The following FAHD2A variants were observed in gnomAD, a reference collection of about 807,000 sequenced individuals.
FAHD2A encodes the protein oxaloacetate tautomerase FAHD2A, mitochondrial.
A neutral mutation model predicts 33.4 loss-of-function variants in FAHD2A; 27 were observed. That is an observed-to-expected ratio of 0.81 (90% CI 0.60 to 1.11). FAHD2A has a LOEUF of 1.11. FAHD2A is among the 50% of genes most tolerant of loss of function. The pLI, the probability that FAHD2A is intolerant of heterozygous loss-of-function variation, is 0.00. For synonymous variants in FAHD2A, 130 were observed against 153.3 expected, an observed-to-expected ratio of 0.85 and a Z score of 1.12; for missense variants, 296 against 395.0, an observed-to-expected ratio of 0.75 and a Z score of 2.12.
downstream of FAHD2A, among the ~76,000 whole-genome samples, chr2:95,419,502 G>A (rs1233491870): frequency 6.6e-6 from 1 of 152,088 alleles, no homozygotes; most frequent in African/African-American, 2.4e-5. Context: ...GTCATCCTGG[G>A]TGAGGTGTCT....
At position 95,414,115 on chromosome 2, in the gene FAHD2A, G is replaced by C; in HGVS notation, c.*1158G>C. On this transcript the variant is annotated 3_prime_UTR_variant, in exon 8 of 8. Transcript: ENST00000233379. ...GTTTAAAGAAGCCCAGGGAGGGATAGATCTCCGACTGGACAGAAGACTACT... is the reference window on the plus strand; with the variant it reads ...GTTTAAAGAAGCCCAGGGAGGGATACATCTCCGACTGGACAGAAGACTACT... The C allele has an allele frequency of 5.4e-6, 8 of 1,471,174 alleles. No individual in the cohort carries two copies. Among genetic ancestry groups the C allele is most frequent in the Non-Finnish European group, 7.5e-6 (8 of 1,064,582 alleles). The allele number at this position is 1,471,174 out of a possible 1,614,324, so 91.1% of individuals were successfully genotyped here. A position where few individuals can be genotyped will look rare whatever the true frequency, so the allele number is the denominator to read the frequency against.
downstream of FAHD2A, among the ~76,000 whole-genome samples, chr2:95,420,298 T>A (rs2551299): frequency 3.3e-3 from 506 of 152,202 alleles, 2 homozygotes; most frequent in Non-Finnish European, 5.9e-3. Flanking sequence ...ATACAGCAGG[T>A]CACTCATGAG....
downstream of FAHD2A, among the ~76,000 whole-genome samples, chr2:95,420,765 G>A (rs936951025): frequency 2.6e-5 from 4 of 151,990 alleles, no homozygotes; most frequent in Non-Finnish European, 5.9e-5. Context: ...TAAACTATGG[G>A]AAAGGAAGGA....
At chr2:95,404,890 G>C (rs983276711) in intron 1 of FAHD2A, among the ~76,000 whole-genome samples, 1 of 152,226 alleles carries the variant, frequency 6.6e-6, no homozygotes, top group Non-Finnish European at 1.5e-5. Flanking sequence ...TATCTGGAGA[G>C]GCAGGTGGGG....
At chr2:95,418,880 T>C (rs1420223392), downstream of FAHD2A, among the ~76,000 whole-genome samples, 6 of 152,094 alleles carry the variant, frequency 3.9e-5, no homozygotes, top group Admixed American at 3.9e-4. Context: ...ATAAAGTCTT[T>C]GCAGGTGTAA....
chr2:95,405,463 G>A, intron 1 of FAHD2A, 90 bp from the exon 2 acceptor site: 1 of 1,516,036 alleles, frequency 6.6e-7, no homozygotes. Context: ...ATGGGGCAAA[G>A]GGCCTCGGGC....
chr2:95,417,979 C>A (rs1440812002), downstream of FAHD2A, among the ~76,000 whole-genome samples: 2 of 152,194 alleles, frequency 1.3e-5, no homozygotes, highest in African/African-American at 2.4e-5. Context: ...CATATGTATG[C>A]TTGTTCTGGT....
chr2:95,407,287 A>G (rs1681751933), intron 3 of FAHD2A, 130 bp downstream of exon 3: 2 of 1,359,610 alleles, frequency 1.5e-6, no homozygotes, highest in East Asian at 2.4e-5. Context: ...AGGATTGTAC[A>G]CACAGTAGTA....
At chr2:95,408,094 CATTGGAAATATTA>C (rs1355218936) in intron 3 of FAHD2A, among the ~76,000 whole-genome samples, 2 of 128,452 alleles carry the variant, frequency 1.6e-5, no homozygotes, top group Admixed American at 1.9e-4. Flanking sequence ...TTTTAAAACA[CATTGGAAATATTA>C]AGACAATTTA....
chr2:95,408,764 A>AT, intron 3 of FAHD2A, among the ~76,000 whole-genome samples: 1 of 152,242 alleles, frequency 6.6e-6, no homozygotes, highest in East Asian at 1.9e-4. Context: ...GCTAAACCAT[A>AT]TCAAGGGCCA....
rs1271410724 is a variant in FAHD2A, at chr2:95,413,922, G to A, written c.*965G>A. 7 of 1,131,610 alleles carry A rather than the reference G, an allele frequency of 6.2e-6. No homozygotes were observed. The Admixed American group carries it at 8.5e-5, about 14-fold the overall frequency. The allele number at this position is 1,131,610 out of a possible 1,614,324, so 70.1% of individuals were successfully genotyped here. A position where few individuals can be genotyped will look rare whatever the true frequency, so the allele number is the denominator to read the frequency against. The stretch of plus-strand genomic sequence containing the variant: ...CCTGAGCCACTCTATTGGGGTGGGA[G>A]CAGGGGGACAGAAGATGGTGACACT... On this transcript the variant is annotated 3_prime_UTR_variant, in exon 8 of 8. Transcript: ENST00000233379.
Position 95,405,710 on chromosome 2 carries a change from G to A in FAHD2A, c.152G>A (p.Gly51Glu), listed in dbSNP as rs199981531. Residue 51 changes from glycine (G) to glutamate (E), a missense_variant, in exon 2 of 8, where the codon GGG becomes GAG. By Grantham distance (98) the Gly-to-Glu change is moderately conservative (BLOSUM62 -2). Coordinates refer to ENST00000233379, the MANE Select transcript of FAHD2A (RefSeq NM_016044.3). Reference protein sequence around the residue: ...HLGLETGNGGGVINLNAFDPT... With the variant: ...HLGLETGNGGEVINLNAFDPT... ...GGCCTGGAGACAGGGAATGGTGGAG[G>A]GGTTATCAACCTCAATGCCTTTGAC... is the stretch of plus-strand genomic sequence containing the variant. The A allele has an allele frequency of 9.9e-6, 16 of 1,613,950 alleles. No homozygotes were observed. The highest frequency in any genetic ancestry group is 1.3e-5 in the Non-Finnish European group (15 of 1,180,010).
chr2:95,402,738 C>T lies in FAHD2A; in HGVS notation c.-141C>T, dbSNP rs1449837080. The T allele has an allele frequency of 6.6e-6, 1 of 152,368 alleles. No individual in the cohort carries two copies. The highest frequency in any genetic ancestry group is 2.4e-5 in the African/African-American group (1 of 41,472). 9.4% of individuals were successfully genotyped at this position (152,368 alleles called of 1,614,324 possible). A position where few individuals can be genotyped will look rare whatever the true frequency, so the allele number is the denominator to read the frequency against. ...TCTCTCGGGTGATCCGGCCGAGTGG[C>T]CCTGGGTTAGCAGCTGCTGCATTTC... On this transcript the variant is annotated 5_prime_UTR_variant, in exon 1 of 8. Transcript: ENST00000233379.
At chr2:95,409,956 T>G (rs1558798626) in intron 3 of FAHD2A, among the ~76,000 whole-genome samples, 1 of 152,338 alleles carries the variant, frequency 6.6e-6, no homozygotes, top group East Asian at 1.9e-4. Flanking sequence ...CATCTGGATG[T>G]CGGGTGTACT....
Position 95,405,567 on chromosome 2 carries a change from G to T in FAHD2A, c.9G>T (p.Val3=). 1 of 1,611,328 alleles carries T rather than the reference G, an allele frequency of 6.2e-7. No individual in the cohort carries two copies. The highest frequency in any genetic ancestry group is 2.2e-5 in the East Asian group (1 of 44,770). ML[V]SGRRRLLTVL... ...TTTCTCTGCAGGCTCTGATGCTGGTGTCTGGTAGAAGAAGGTTACTCACAG... is the reference window on the plus strand; with the variant it reads ...TTTCTCTGCAGGCTCTGATGCTGGTTTCTGGTAGAAGAAGGTTACTCACAG... Residue 3 remains valine, a synonymous_variant, in exon 2 of 8, where the codon GTG becomes GTT. Coordinates refer to ENST00000233379, the MANE Select transcript of FAHD2A (RefSeq NM_016044.3).
At chr2:95,409,085 C>T (rs1489211359) in intron 3 of FAHD2A, among the ~76,000 whole-genome samples, 1 of 152,194 alleles carries the variant, frequency 6.6e-6, no homozygotes, top group African/African-American at 2.4e-5. Context: ...ATACATTTTC[C>T]ATCGTATCCC....
rs1376964942 is a variant in FAHD2A, at chr2:95,410,519, C to A, written c.463-8C>A. ...ACTGCAGCTCACTGTTCCTCTCCCA[C>A]CCTACAGGAGGTAGATTGGGAAGTG... On this transcript the variant is annotated splice_region_variant and splice_polypyrimidine_tract_variant and intron_variant, in intron 3 of 7. Coordinates refer to ENST00000233379, the MANE Select transcript of FAHD2A (RefSeq NM_016044.3). 6.2e-7 allele frequency: 1 copy of A among 1,606,736 alleles called. No individual in the cohort carries two copies.
At chr2:95,412,574 C>T (rs992026616) in intron 6 of FAHD2A, 32 bp downstream of exon 6, 1 of 1,613,028 alleles carries the variant, frequency 6.2e-7, no homozygotes, top group African/African-American at 1.3e-5. Flanking sequence ...GCCAGCCCCG[C>T]TTCACCTGCC....
At chr2:95,419,039 C>G (rs1683278430), downstream of FAHD2A, among the ~76,000 whole-genome samples, 1 of 151,988 alleles carries the variant, frequency 6.6e-6, no homozygotes, top group Admixed American at 6.6e-5. Flanking sequence ...AGCCACAAGT[C>G]AAGGAACTCC....
Sources: allele counts gnomAD v4.1 joint callset (sites outside exome capture counted in the v4.1 genomes callset), GRCh38; gene constraint gnomAD v4.1.1; transcripts MANE v1.5; gene names NCBI Gene and HGNC (gene_info 2026-07-23, HGNC 2026-07-21).